Variants in NFIA observed in about 807,000 individuals in gnomAD.
NFIA encodes the protein nuclear factor I A.
Under a neutral mutation model 62.8 loss-of-function variants are expected in NFIA, and 8 were observed. The observed-to-expected ratio is 0.13, with a 90% CI of 0.07 to 0.23. The LOEUF (loss-of-function observed/expected upper bound fraction) is 0.23, where lower values mean the gene tolerates loss of function less well. Ranked by LOEUF, NFIA falls within the 10% of genes least tolerant of loss-of-function variation. The pLI, the probability that NFIA is intolerant of heterozygous loss-of-function variation, is 1.00. For synonymous variants in NFIA, 235 were observed against 238.1 expected, an observed-to-expected ratio of 0.99 and a Z score of 0.12; for missense variants, 410 against 642.1, an observed-to-expected ratio of 0.64 and a Z score of 3.91.
intron 10 of NFIA, among the ~76,000 whole-genome samples, chr1:61,433,839 G>A (rs949007128): frequency 1.3e-5 from 2 of 152,298 alleles, no homozygotes; most frequent in Non-Finnish European, 2.9e-5. Context: ...GAGGTCAGTA[G>A]AGTCAGGACA....
chr1:61,239,804 G>A (rs888775338), intron 2 of NFIA, among the ~76,000 whole-genome samples: 22 of 152,090 alleles, frequency 1.4e-4, no homozygotes, highest in Admixed American at 1.0e-3. Context: ...GATAGTGTTA[G>A]ATATCAACTA....
intron 4 of NFIA, among the ~76,000 whole-genome samples, chr1:61,351,457 G>A (rs1032174806): frequency 6.6e-6 from 1 of 152,090 alleles, no homozygotes; most frequent in Non-Finnish European, 1.5e-5. Context: ...AATCATGTGG[G>A]CTTAGCTCTC....
chr1:61,113,480 GC>G (rs1488138260), intron 2 of NFIA, among the ~76,000 whole-genome samples: 1 of 151,784 alleles, frequency 6.6e-6, no homozygotes, highest in Non-Finnish European at 1.5e-5. Context: ...TGTAATCCCA[GC>G]TACTCTGGAG....
At chr1:61,275,995 T>C (rs1330997272) in intron 2 of NFIA, among the ~76,000 whole-genome samples, 2 of 152,172 alleles carry the variant, frequency 1.3e-5, no homozygotes, top group East Asian at 1.9e-4. Context: ...AAGGATTTCT[T>C]TAAAGGTTTT....
At chr1:61,340,957 A>T (rs1661868515) in intron 4 of NFIA, among the ~76,000 whole-genome samples, 2 of 151,834 alleles carry the variant, frequency 1.3e-5, no homozygotes, top group African/African-American at 4.8e-5. Flanking sequence ...TTCTCCTAGG[A>T]TATCTCGTGG....
chr1:61,155,321 C>G (rs334698), intron 2 of NFIA, among the ~76,000 whole-genome samples: 141,049 of 152,274 alleles, frequency 0.93, 65,502 homozygotes, highest in Middle Eastern at 0.97. Flanking sequence ...TCTAGCAATT[C>G]TATGTTCCAA....
At chr1:61,147,595 GA>G (rs1163404634) in intron 2 of NFIA, among the ~76,000 whole-genome samples, 1 of 152,168 alleles carries the variant, frequency 6.6e-6, no homozygotes, top group East Asian at 1.9e-4. Flanking sequence ...TTACTATGTG[GA>G]AAAATACGGT....
intron 7 of NFIA, among the ~76,000 whole-genome samples, chr1:61,391,031 GATTTGTTTGTTT>G (rs1256915838): frequency 6.1e-5 from 9 of 148,142 alleles, no homozygotes; most frequent in Non-Finnish European, 1.2e-4. Flanking sequence ...GTATATATTT[GATTTGTTTGTTT>G]ATTTGTTTGT....
At position 61,131,198 on chromosome 1, in the gene NFIA, C is replaced by T. The variant is rs547687204; in HGVS notation, c.559+42518C>T. Among the ~76,000 whole-genome samples, 8 of 147,486 alleles carry T rather than the reference C, an allele frequency of 5.4e-5. No individual in the cohort carries two copies. In the South Asian group the frequency reaches 1.7e-3, roughly 32 times the overall value. ...TTGCTAAATCTTTCTTTTTTGTACA[C>T]CTCACCCTCTTCTTCACTGATGCAT... is the stretch of plus-strand genomic sequence containing the variant. On this transcript the variant is annotated intron_variant, in intron 2 of 10. Transcript: ENST00000403491.
intron 6 of NFIA, among the ~76,000 whole-genome samples, chr1:61,377,222 C>CA (rs112943071): frequency 4.2e-4 from 63 of 150,370 alleles, no homozygotes; most frequent in Non-Finnish European, 7.1e-4. Context: ...GACTCCATCT[C>CA]AAAAAAAAGA....
intron 2 of NFIA, among the ~76,000 whole-genome samples, chr1:61,276,977 T>A (rs1274647004): frequency 6.6e-6 from 1 of 152,214 alleles, no homozygotes; most frequent in Non-Finnish European, 1.5e-5. Flanking sequence ...TATGCAGTTA[T>A]TTCAAGAAAA....
intron 4 of NFIA, among the ~76,000 whole-genome samples, chr1:61,342,861 T>G (rs1662003625): frequency 6.6e-6 from 1 of 152,236 alleles, no homozygotes; most frequent in Admixed American, 6.5e-5. Context: ...ACTTACTTAG[T>G]TGCATGATCT....
At chr1:61,356,410 G>T (rs1157526566) in intron 5 of NFIA, among the ~76,000 whole-genome samples, 1 of 152,142 alleles carries the variant, frequency 6.6e-6, no homozygotes, top group Non-Finnish European at 1.5e-5. Context: ...GTAGAAAGAG[G>T]CCAGAAACCA....
At chr1:61,411,574 C>T (rs1010591292) in intron 9 of NFIA, among the ~76,000 whole-genome samples, 9 of 151,980 alleles carry the variant, frequency 5.9e-5, no homozygotes, top group African/African-American at 2.2e-4. Context: ...AAGCACTCTT[C>T]TTGGTGCTAG....
At chr1:61,296,530 G>A (rs1570533805) in intron 3 of NFIA, among the ~76,000 whole-genome samples, 1 of 152,082 alleles carries the variant, frequency 6.6e-6, no homozygotes, top group East Asian at 1.9e-4. Flanking sequence ...CTTTGTATTT[G>A]GTGATCTTAA....
intron 5 of NFIA, among the ~76,000 whole-genome samples, chr1:61,355,659 C>T (rs896844144): frequency 6.6e-6 from 1 of 152,070 alleles, no homozygotes; most frequent in African/African-American, 2.4e-5. Context: ...TAATTCACTG[C>T]AACCTCGAAG....
chr1:61,235,652 TAA>T (rs759009832), intron 2 of NFIA, among the ~76,000 whole-genome samples: 5 of 137,352 alleles, frequency 3.6e-5, no homozygotes, highest in Admixed American at 7.3e-5. Context: ...CCCATCTCTT[TAA>T]AAAAAAAAAA....
intron 2 of NFIA, among the ~76,000 whole-genome samples, chr1:61,157,849 A>C (rs997262403): frequency 1.3e-5 from 2 of 152,246 alleles, no homozygotes; most frequent in African/African-American, 4.8e-5. Context: ...GAAAACTTTC[A>C]TAAGAGATTT....
chr1:61,424,805 A>G (rs1215243850), intron 9 of NFIA, among the ~76,000 whole-genome samples: 1 of 152,206 alleles, frequency 6.6e-6, no homozygotes, highest in Admixed American at 6.5e-5. Context: ...CATGGGGTGA[A>G]TGGTACACTT....
Sources: allele counts gnomAD v4.1 joint callset (sites outside exome capture counted in the v4.1 genomes callset), GRCh38; gene constraint gnomAD v4.1.1; transcripts MANE v1.5; gene names NCBI Gene and HGNC (gene_info 2026-07-23, HGNC 2026-07-21).